Variants in HECTD4 observed in about 807,000 individuals in gnomAD.
The protein encoded by HECTD4 is HECT domain E3 ubiquitin protein ligase 4, also known as probable E3 ubiquitin-protein ligase HECTD4.
Under a neutral mutation model 471.5 loss-of-function variants are expected in HECTD4, and 114 were observed. The observed-to-expected ratio is 0.24, with a 90% CI of 0.21 to 0.28. The LOEUF (loss-of-function observed/expected upper bound fraction) is 0.28. Among genes scored for constraint, HECTD4 ranks in the 10% least tolerant of loss-of-function variants. HECTD4 has a pLI of 1.00. For synonymous variants in HECTD4, 2,012 were observed against 2,256.0 expected (o/e 0.89, Z 3.07); for missense variants, 3,866 against 5,651.5 (o/e 0.68, Z 10.13).
At chr12:112,261,649 G>A (rs1424997392) in intron 17 of HECTD4, 2 of 437,972 alleles carry the variant, frequency 4.6e-6, no homozygotes, top group Non-Finnish European at 8.3e-6. Context: ...AAGGTCTGGA[G>A]AGCTGACAGA....
intron 13 of HECTD4, 31 bp from the exon 14 acceptor site, chr12:112,267,013 A>G: frequency 2.5e-6 from 3 of 1,194,296 alleles, no homozygotes; most frequent in Non-Finnish European, 3.6e-6. Flanking sequence ...AAAACATTTA[A>G]GCAAATGTTC....
chr12:112,184,082 C>T lies in HECTD4; in HGVS notation c.10779+105G>A, dbSNP rs3741993. On this transcript the variant is annotated intron_variant, in intron 61 of 75. Coordinates refer to ENST00000682272, the MANE Select transcript of HECTD4 (RefSeq NM_001388303.1). This position sits in a 1 kb window ranked among gnomAD's most constrained non-coding sequence, Gnocchi z 9.1. ...AGGGCTGCCCCAGGGAGCCCCCAAC[C>T]GCTCCACCATTACCTACTAGGAAAT... 100,913 of 1,159,004 alleles carry T rather than the reference C, an allele frequency of 0.087. 4,956 individuals are homozygous for T. Among genetic ancestry groups the T allele is most frequent in the East Asian group, 0.19 (8,031 of 42,318 alleles). 71.8% of individuals were successfully genotyped at this position (1,159,004 alleles called of 1,614,324 possible). A position where few individuals can be genotyped will look rare whatever the true frequency, so the allele number is the denominator to read the frequency against.
intron 1 of HECTD4, among the ~76,000 whole-genome samples, chr12:112,378,519 C>T (rs1258905080): frequency 2.0e-5 from 3 of 151,946 alleles, no homozygotes; most frequent in South Asian, 2.1e-4. Flanking sequence ...CCACTGCGAC[C>T]GGCGTAAAAT....
chr12:112,319,484 C>T lies in HECTD4; in HGVS notation c.436G>A (p.Gly146Arg). 1 of 1,510,798 alleles carries T rather than the reference C, an allele frequency of 6.6e-7. No individual in the cohort carries two copies. The allele number at this position is 1,510,798 out of a possible 1,614,324, so 93.6% of individuals were successfully genotyped here. A position where few individuals can be genotyped will look rare whatever the true frequency, so the allele number is the denominator to read the frequency against. Residue 146 changes from glycine (G) to arginine (R), a missense_variant, in exon 2 of 76, where the codon GGG (glycine) becomes AGG (arginine). Physicochemically the swap from Gly to Arg is moderately radical, Grantham distance 125. This residue lies in a region of HECTD4 where 440 missense variants were observed against 636.0 expected (regional missense o/e 0.69). Transcript: ENST00000682272. The surrounding 1 kb of genome is among the most constrained non-coding windows in gnomAD (Gnocchi z 5.3). ...PEQAPFTSRMGLLLVFPLIQS... is the reference protein window; with the variant it reads ...PEQAPFTSRMRLLLVFPLIQS... Reference sequence around the variant, plus strand: ...ATAAGGGGGAAGACCAGCAGGAGCCCCATCCTCGATGTGAAGGGCGCTTGC... The same window carrying T: ...ATAAGGGGGAAGACCAGCAGGAGCCTCATCCTCGATGTGAAGGGCGCTTGC...
chr12:112,206,603 C>G (rs898086399), intron 52 of HECTD4, among the ~76,000 whole-genome samples: 2 of 133,688 alleles, frequency 1.5e-5, no homozygotes, highest in African/African-American at 5.7e-5. Flanking sequence ...GTGGCGTGAT[C>G]TCTGATCACT....
chr12:112,309,857 T>C (rs1394842548), intron 4 of HECTD4, among the ~76,000 whole-genome samples, 188 bp from the exon 5 acceptor site: 1 of 152,176 alleles, frequency 6.6e-6, no homozygotes, highest in Non-Finnish European at 1.5e-5. Flanking sequence ...CCAAAATGCA[T>C]GTGGACCAGA....
Position 112,310,606 on chromosome 12 carries a change from G to A in HECTD4, c.917-937C>T, listed in dbSNP as rs533718128. ...GCTGGAGGAAATGCAATGTCACACC[G>A]TCAAATTAGTACTAAAAATGCTGTT... is the stretch of plus-strand genomic sequence containing the variant. On this transcript the variant is annotated intron_variant, in intron 4 of 75. Coordinates refer to ENST00000682272, the MANE Select transcript of HECTD4 (RefSeq NM_001388303.1). 5.9e-5 allele frequency among the ~76,000 whole-genome samples: 9 copies of A among 152,238 alleles called. No homozygotes were observed. In the South Asian group the frequency reaches 1.0e-3, roughly 18 times the overall value.
At chr12:112,168,450 G>A (rs540299414) in intron 70 of HECTD4, among the ~76,000 whole-genome samples, 3 of 152,318 alleles carry the variant, frequency 2.0e-5, no homozygotes, top group Non-Finnish European at 2.9e-5. Flanking sequence ...CTCTCCCGCC[G>A]CCATTCAAGA....
chr12:112,170,468 T>TGG lies in HECTD4; in HGVS notation c.11933-18_11933-17dup. 6.2e-7 allele frequency: 1 copy of TGG among 1,613,302 alleles called. No individual in the cohort carries two copies. Among genetic ancestry groups the TGG allele is most frequent in the Non-Finnish European group, 8.5e-7 (1 of 1,179,692 alleles). ...AAGATCAGCCCTAAGGAGAGGAACG[T>TGG]GGGAGAGGCTTGGGTGGGGCTTTGT... On this transcript the variant is annotated splice_polypyrimidine_tract_variant and intron_variant, in intron 68 of 75. Transcript: ENST00000682272.
rs2136993380 is a variant in HECTD4, at chr12:112,163,094, A to G, written c.13068T>C (p.Thr4356=). Residue 4356 remains threonine, a synonymous_variant, in exon 75 of 76, where the codon ACT becomes ACC. Coordinates refer to ENST00000682272, the MANE Select transcript of HECTD4 (RefSeq NM_001388303.1). The surrounding 1 kb of genome is among the most constrained non-coding windows in gnomAD (Gnocchi z 8.2). ...TCPCKDGGPD[T]AHVPPYPMKI... is the part of the protein sequence containing the mutation. ...TCATGGGGTACGGGGGCACATGGGC[A>G]GTGTCGGGACCCCCATCTTTGCAGG... is the stretch of plus-strand genomic sequence containing the variant. 2 of 1,613,904 alleles carry G rather than the reference A, an allele frequency of 1.2e-6. No individual in the cohort carries two copies. The highest frequency in any genetic ancestry group is 1.7e-6 in the Non-Finnish European group (2 of 1,179,836).
At chr12:112,182,369 GA>G in intron 62 of HECTD4, among the ~76,000 whole-genome samples, 2 of 142,632 alleles carry the variant, frequency 1.4e-5, no homozygotes, top group Middle Eastern at 6.8e-3. Flanking sequence ...ATTAAAAAAG[GA>G]AAAAAAGAGG....
chr12:112,350,909 G>C (rs2036238264), intron 1 of HECTD4, among the ~76,000 whole-genome samples: 1 of 152,160 alleles, frequency 6.6e-6, no homozygotes, highest in South Asian at 2.1e-4. Flanking sequence ...AGAACCAAAT[G>C]CAAGTATGGC....
rs532424117 is a variant in HECTD4, at chr12:112,194,507, T to C, written c.8749+378A>G. On this transcript the variant is annotated intron_variant, in intron 56 of 75. Coordinates refer to ENST00000682272, the MANE Select transcript of HECTD4 (RefSeq NM_001388303.1). This position sits in a 1 kb window ranked among gnomAD's most constrained non-coding sequence, Gnocchi z 4.6. ...TTTGGAACAGCCTCAGCAGAACTTA[T>C]GATGAACCAAATAGGTCTGCTTTGG... Among the ~76,000 whole-genome samples, 42 of 152,204 alleles carry C rather than the reference T, an allele frequency of 2.8e-4. No individual in the cohort carries two copies. The highest frequency in any genetic ancestry group is 4.4e-4 in the Non-Finnish European group (30 of 68,026).
At chr12:112,296,276 G>GTGTAGGTGCAGTGGA (rs905619608) in intron 7 of HECTD4, among the ~76,000 whole-genome samples, 3 of 151,856 alleles carry the variant, frequency 2.0e-5, no homozygotes, top group Non-Finnish European at 4.4e-5. Flanking sequence ...GGTACAGAGG[G>GTGTAGGTGCAGTGGA]TGTAGGTGCA....
At chr12:112,253,248 C>G (rs951585549) in intron 22 of HECTD4, among the ~76,000 whole-genome samples, 2 of 152,110 alleles carry the variant, frequency 1.3e-5, no homozygotes, top group African/African-American at 4.8e-5. Flanking sequence ...TCTCAGCCTC[C>G]TGAGTAGCTG....
intron 32 of HECTD4, among the ~76,000 whole-genome samples, chr12:112,241,850 G>C (rs1004069789): frequency 6.6e-6 from 1 of 152,140 alleles, no homozygotes; most frequent in African/African-American, 2.4e-5. Context: ...GGAAGGCTGA[G>C]GTGGGAAGAT....
intron 1 of HECTD4, among the ~76,000 whole-genome samples, chr12:112,347,906 C>A (rs2036185689): frequency 6.6e-6 from 1 of 152,174 alleles, no homozygotes; most frequent in South Asian, 2.1e-4. Flanking sequence ...TGACGTGTAA[C>A]AGGACAATAT....
chr12:112,309,758 A>T, intron 4 of HECTD4, 89 bp from the exon 5 acceptor site: 1 of 611,818 alleles, frequency 1.6e-6, no homozygotes, highest in Non-Finnish European at 2.7e-6. Flanking sequence ...AGCCATTAGG[A>T]GGTTGAGTGA....
intron 22 of HECTD4, 31 bp from the exon 23 acceptor site, chr12:112,252,559 C>T (rs749361215): frequency 6.9e-6 from 11 of 1,592,108 alleles, no homozygotes; most frequent in Non-Finnish European, 9.4e-6. Flanking sequence ...GGGAAATGCA[C>T]TTTAAAAACA....
Sources: allele counts gnomAD v4.1 joint callset (sites outside exome capture counted in the v4.1 genomes callset), GRCh38; gene constraint gnomAD v4.1.1; regional missense constraint gnomAD v4.1.1; non-coding constraint Gnocchi (gnomAD v3.1); transcripts MANE v1.5; gene names NCBI Gene and HGNC (gene_info 2026-07-23, HGNC 2026-07-21).